Variants in THOC1 observed in about 807,000 individuals in gnomAD.
The protein encoded by THOC1 is THO complex subunit 1.
Under a neutral mutation model 97.3 loss-of-function variants are expected in THOC1, and 29 were observed. The observed-to-expected ratio is 0.30, with a 90% CI of 0.22 to 0.41. The LOEUF (loss-of-function observed/expected upper bound fraction) is 0.41, where lower values mean the gene tolerates loss of function less well. Ranked by LOEUF, THOC1 falls within the 10% of genes least tolerant of loss-of-function variation. The probability of loss-of-function intolerance (pLI) is 1.00; values close to 1 mark genes in which losing one functional copy is unlikely to be tolerated. For synonymous variants in THOC1, 255 were observed against 257.0 expected (o/e 0.99, Z 0.07); for missense variants, 529 against 761.9 (o/e 0.69, Z 3.60).
At chr18:216,275 G>T in intron 19 of THOC1, 1 of 564,108 alleles carries the variant, frequency 1.8e-6, no homozygotes. Context: ...TAAATTACAT[G>T]CTGTACAGAA....
intron 11 of THOC1, among the ~76,000 whole-genome samples, chr18:241,529 C>G (rs1402346202): frequency 1.3e-5 from 2 of 152,108 alleles, no homozygotes; most frequent in Admixed American, 6.5e-5. Context: ...TGTGGGTAAC[C>G]TCACCCTGGT....
intron 11 of THOC1, among the ~76,000 whole-genome samples, chr18:238,133 T>C (rs1434531670): frequency 2.0e-5 from 3 of 152,202 alleles, no homozygotes; most frequent in Non-Finnish European, 2.9e-5. Flanking sequence ...CCCAAGGTGC[T>C]GGGATTACAG....
chr18:218,330 A>G (rs1167866285), intron 18 of THOC1, among the ~76,000 whole-genome samples: 1 of 152,156 alleles, frequency 6.6e-6, no homozygotes, highest in African/African-American at 2.4e-5. Context: ...CCTTTAAACC[A>G]CTACTCTTCA....
At chr18:228,253 C>T (rs1470641258) in intron 11 of THOC1, among the ~76,000 whole-genome samples, 1 of 152,146 alleles carries the variant, frequency 6.6e-6, no homozygotes, top group Non-Finnish European at 1.5e-5. Flanking sequence ...AATCCTATCT[C>T]ACCACAACCT....
intron 6 of THOC1, among the ~76,000 whole-genome samples, 157 bp downstream of exon 6, chr18:259,525 A>C (rs564565886): frequency 9.9e-5 from 15 of 152,278 alleles, no homozygotes; most frequent in African/African-American, 3.4e-4. Context: ...AAAACAGTTT[A>C]AAGTGAATAA....
At chr18:229,879 G>A (rs1039843333) in intron 11 of THOC1, among the ~76,000 whole-genome samples, 1 of 151,864 alleles carries the variant, frequency 6.6e-6, no homozygotes, top group African/African-American at 2.4e-5. Flanking sequence ...TTAAACATGG[G>A]TTTTCTTCGG....
At chr18:215,748 G>A in intron 19 of THOC1, 1 of 441,476 alleles carries the variant, frequency 2.3e-6, no homozygotes, top group Non-Finnish European at 4.1e-6. Context: ...TGGGAAGCAG[G>A]AAGTCAGTAA....
chr18:214,693 G>A lies in THOC1; in HGVS notation c.1907C>T (p.Ala636Val). 1.9e-6 allele frequency: 3 copies of A among 1,613,866 alleles called. No homozygotes were observed. Among genetic ancestry groups the A allele is most frequent in the East Asian group, 2.2e-5 (1 of 44,880 alleles). ...VHATPENLIN[A>V]LNKSGLSDLA... is the part of the protein sequence containing the mutation. ...GTCACTTAATCCAGACTTATTCAGT[G>A]CATTAATCAGATTCTCAGGTGTTGC... Residue 636 changes from alanine (A) to valine (V), a missense_variant, in exon 21 of 21, where the codon GCA becomes GTA. Ala to Val is a moderately conservative substitution (Grantham distance 64, BLOSUM62 0). Transcript: ENST00000261600.
intron 11 of THOC1, among the ~76,000 whole-genome samples, chr18:236,629 C>G (rs1022260645): frequency 1.3e-5 from 2 of 151,962 alleles, no homozygotes; most frequent in African/African-American, 4.8e-5. Context: ...TCCCAAAGTG[C>G]TGGGATTACA....
At chr18:217,925 C>G (rs188032255) in intron 18 of THOC1, among the ~76,000 whole-genome samples, 1 of 152,244 alleles carries the variant, frequency 6.6e-6, no homozygotes, top group East Asian at 1.9e-4. Context: ...TGAGCCAGAC[C>G]AAGGAGGTCT....
chr18:255,895 G>C (rs930107055), intron 7 of THOC1, among the ~76,000 whole-genome samples: 1 of 152,158 alleles, frequency 6.6e-6, no homozygotes, highest in Non-Finnish European at 1.5e-5. Flanking sequence ...AATCTACTCT[G>C]CCTTGGCTCC....
At chr18:231,673 TAG>T (rs1567846735) in intron 11 of THOC1, among the ~76,000 whole-genome samples, 2 of 152,210 alleles carry the variant, frequency 1.3e-5, no homozygotes, top group African/African-American at 4.8e-5. Context: ...CAGAATATCA[TAG>T]ACATTGTTGA....
chr18:223,972 G>A (rs982339580), intron 16 of THOC1, 112 bp downstream of exon 16: 6 of 795,154 alleles, frequency 7.5e-6, no homozygotes, highest in Non-Finnish European at 1.3e-5. Context: ...GGCTATCTAT[G>A]TGTGTACCAA....
intron 11 of THOC1, among the ~76,000 whole-genome samples, chr18:227,730 G>A (rs1312750470): frequency 6.6e-6 from 1 of 152,132 alleles, no homozygotes; most frequent in Non-Finnish European, 1.5e-5. Context: ...ACTCATGCTA[G>A]TTCTGCCTTC....
In THOC1 at chr18:254,983, A is replaced by AT. The variant is rs1912392361; in HGVS notation, c.521-629dup. ...GGCAAGCACCACCATGCCTGGCTAA[A>AT]TTTTTTTGTATTTTTAGTAGAGACG... On this transcript the variant is annotated intron_variant, in intron 7 of 20. Transcript: ENST00000261600. The surrounding 1 kb of genome is among the most constrained non-coding windows in gnomAD (Gnocchi z 4.1). Among the ~76,000 whole-genome samples, 1 of 151,846 alleles carries AT rather than the reference A, an allele frequency of 6.6e-6. No homozygotes were observed. The highest frequency in any genetic ancestry group is 1.5e-5 in the Non-Finnish European group (1 of 67,956).
At chr18:227,620 C>G (rs976131662) in intron 11 of THOC1, among the ~76,000 whole-genome samples, 1 of 151,988 alleles carries the variant, frequency 6.6e-6, no homozygotes, top group East Asian at 1.9e-4. Flanking sequence ...TCTTCAACGA[C>G]CCTGCCATCC....
At chr18:253,167 C>T (rs1912334534) in intron 8 of THOC1, among the ~76,000 whole-genome samples, 1 of 152,204 alleles carries the variant, frequency 6.6e-6, no homozygotes, top group Non-Finnish European at 1.5e-5. Context: ...CCATGTGCCA[C>T]TGGTGGCTGT....
chr18:235,248 T>C (rs1182788601), intron 11 of THOC1, among the ~76,000 whole-genome samples: 1 of 152,114 alleles, frequency 6.6e-6, no homozygotes, highest in Non-Finnish European at 1.5e-5. Context: ...GCTGGTATCT[T>C]TTCATTTTCC....
At chr18:219,913 G>A (rs1911019570) in intron 17 of THOC1, among the ~76,000 whole-genome samples, 1 of 152,076 alleles carries the variant, frequency 6.6e-6, no homozygotes, top group Non-Finnish European at 1.5e-5. Flanking sequence ...TGGTAGCATG[G>A]TTGATTTTTA....
Sources: gnomAD v4.1 joint callset for allele counts (sites outside exome capture counted in the v4.1 genomes callset) on GRCh38, gnomAD v4.1.1 for gene constraint, Gnocchi (gnomAD v3.1) non-coding constraint, MANE v1.5 for transcripts, NCBI Gene and HGNC (gene_info 2026-07-23, HGNC 2026-07-21) for gene names.